Variants in LRRC7 observed in about 807,000 individuals in gnomAD.
LRRC7 encodes leucine-rich repeat-containing protein 7.
A neutral mutation model predicts 175.7 loss-of-function variants in LRRC7; 23 were observed. That is an observed-to-expected ratio of 0.13 (90% CI 0.09 to 0.19). The LOEUF (loss-of-function observed/expected upper bound fraction) is 0.19. Among genes scored for constraint, LRRC7 ranks in the 10% least tolerant of loss-of-function variants. The pLI is 1.00. For synonymous variants in LRRC7, 685 were observed against 680.9 expected (o/e 1.01, Z -0.09); for missense variants, 1,354 against 1,904.7 (o/e 0.71, Z 5.38).
chr1:69,687,384 C>T (rs565716488), intron 2 of LRRC7, among the ~76,000 whole-genome samples: 2 of 151,836 alleles, frequency 1.3e-5, no homozygotes, highest in East Asian at 3.9e-4. Context: ...GTGGCACACG[C>T]CTGTAGTCCC....
At position 69,717,766 on chromosome 1, in the gene LRRC7, GAA is replaced by G. The variant is rs1193274042; in HGVS notation, c.100+39294_100+39295del. Reference sequence around the variant, plus strand: ...AAAAGATATTGGAACATGAAAAAAAGAAAAAAAGAAAGAAAGAAAGAAAGAAA... The same window carrying G: ...AAAAGATATTGGAACATGAAAAAAAGAAAAAGAAAGAAAGAAAGAAAGAAA... On this transcript the variant is annotated intron_variant, in intron 2 of 26. Transcript: ENST00000651989. Among the ~76,000 whole-genome samples, 3 of 53,422 alleles carry G rather than the reference GAA, an allele frequency of 5.6e-5. No homozygotes were observed. The East Asian group carries it at 1.4e-3, about 25-fold the overall frequency. 35.0% of individuals were successfully genotyped at this position (53,422 alleles called of 152,430 possible).
intron 23 of LRRC7, among the ~76,000 whole-genome samples, chr1:70,054,902 T>C (rs1293398242): frequency 1.3e-5 from 2 of 152,070 alleles, no homozygotes; most frequent in African/African-American, 4.8e-5. Flanking sequence ...CACTCTACTT[T>C]CTAAGCTCAT....
intron 1 of LRRC7, among the ~76,000 whole-genome samples, chr1:69,649,853 A>C (rs1404808403): frequency 1.5e-5 from 1 of 64,708 alleles, no homozygotes; most frequent in African/African-American, 6.2e-5. Context: ...AAAGTGATTG[A>C]AAAAAAAAAA....
chr1:69,594,822 C>A (rs993716365), intron 1 of LRRC7, among the ~76,000 whole-genome samples: 2 of 152,106 alleles, frequency 1.3e-5, no homozygotes, highest in East Asian at 3.9e-4. Flanking sequence ...CATCACCTTG[C>A]ATTGAATCCA....
At chr1:69,878,016 AAG>A (rs1686200649) in intron 7 of LRRC7, among the ~76,000 whole-genome samples, 1 of 152,140 alleles carries the variant, frequency 6.6e-6, no homozygotes, top group East Asian at 1.9e-4. Context: ...GGCAGGGAAA[AAG>A]AGTCAGCTGG....
At chr1:70,027,714 C>G (rs919539221) in intron 17 of LRRC7, among the ~76,000 whole-genome samples, 3 of 152,132 alleles carry the variant, frequency 2.0e-5, no homozygotes, top group African/African-American at 7.2e-5. Context: ...TTTTAACATG[C>G]AACTCTACTT....
At chr1:69,778,029 C>A (rs544868757) in intron 3 of LRRC7, among the ~76,000 whole-genome samples, 1 of 152,190 alleles carries the variant, frequency 6.6e-6, no homozygotes, top group Non-Finnish European at 1.5e-5. Flanking sequence ...TTTCTGCAAT[C>A]TCTTCCTTCT....
At chr1:69,918,980 G>C (rs959498021) in intron 7 of LRRC7, among the ~76,000 whole-genome samples, 18 of 152,166 alleles carry the variant, frequency 1.2e-4, no homozygotes, top group Admixed American at 1.1e-3. Flanking sequence ...TGGTTTCCCG[G>C]GCATGAAGTT....
chr1:70,078,792 ACGCGCGCGCGCG>A (rs141606062), intron 24 of LRRC7, among the ~76,000 whole-genome samples: 2,147 of 146,634 alleles, frequency 0.015, 52 homozygotes, highest in African/African-American at 0.052. Flanking sequence ...TTCTACATAT[ACGCGCGCGCGCG>A]CGCGCGCACA....
intron 8 of LRRC7, among the ~76,000 whole-genome samples, chr1:69,947,145 A>AATCAATC (rs1469861547): frequency 6.6e-6 from 1 of 151,100 alleles, no homozygotes; most frequent in African/African-American, 2.5e-5. Context: ...ATAAATAAAT[A>AATCAATC]AATAAATCTA....
intron 14 of LRRC7, among the ~76,000 whole-genome samples, chr1:70,018,011 T>C (rs968145043): frequency 5.9e-5 from 9 of 152,116 alleles, no homozygotes; most frequent in Non-Finnish European, 5.9e-5. Context: ...TGAGACAAAC[T>C]GATATCAAAA....
At position 69,569,392 on chromosome 1, in the gene LRRC7, T is replaced by C. The variant is rs113923299; in HGVS notation, c.2+751T>C. Among the ~76,000 whole-genome samples the C allele has an allele frequency of 5.5e-3, 840 of 152,062 alleles. 4 individuals are homozygous for C. The highest frequency in any genetic ancestry group is 0.019 in the African/African-American group (793 of 41,468). The stretch of plus-strand genomic sequence containing the variant: ...AGCTGGTGAACCTGCCTATTCCCAA[T>C]CCAGCGCTGGGTCCCCTTGAGGATC... On this transcript the variant is annotated intron_variant, in intron 1 of 26. Coordinates refer to ENST00000651989, the MANE Select transcript of LRRC7 (RefSeq NM_001370785.2).
At chr1:69,591,512 T>C (rs554305713) in intron 1 of LRRC7, among the ~76,000 whole-genome samples, 21 of 152,206 alleles carry the variant, frequency 1.4e-4, no homozygotes, top group African/African-American at 4.1e-4. Flanking sequence ...AATCTCCCTA[T>C]AGAAAATTGT....
In LRRC7 at chr1:69,578,087, A is replaced by G. The variant is rs545090470; in HGVS notation, c.2+9446A>G. On this transcript the variant is annotated intron_variant, in intron 1 of 26. Transcript: ENST00000651989. ...CAGAATCTACAATGAACTCAAACAA[A>G]TTCACAAGAAAAAAGCAAACAACCC... is the stretch of plus-strand genomic sequence containing the variant. 1.3e-3 allele frequency among the ~76,000 whole-genome samples: 199 copies of G among 152,334 alleles called. 1 individual carries two copies. Among genetic ancestry groups the G allele is most frequent in the Non-Finnish European group, 3.5e-4 (24 of 68,036 alleles).
Position 69,769,295 on chromosome 1 carries a change from G to A in LRRC7, c.303+8902G>A, listed in dbSNP as rs980143958. Among the ~76,000 whole-genome samples, 16 of 152,278 alleles carry A rather than the reference G, an allele frequency of 1.1e-4. No individual in the cohort carries two copies. In the East Asian group the frequency reaches 2.5e-3, roughly 24 times the overall value. ...TTCTTGCCCATCTCCTACAATTGTG[G>A]TGATGATCAAATAATATAAAGTATG... On this transcript the variant is annotated intron_variant, in intron 3 of 26. Transcript: ENST00000651989.
At chr1:69,918,754 AT>A (rs1243076197) in intron 7 of LRRC7, among the ~76,000 whole-genome samples, 12 of 152,220 alleles carry the variant, frequency 7.9e-5, no homozygotes, top group African/African-American at 2.9e-4. Context: ...TATAGTGATG[AT>A]AATTAAAAAC....
At chr1:69,992,353 C>T (rs1237737650) in intron 10 of LRRC7, among the ~76,000 whole-genome samples, 1 of 151,942 alleles carries the variant, frequency 6.6e-6, no homozygotes, top group East Asian at 1.9e-4. Context: ...TTTTCTATCT[C>T]TTCAGTATTT....
intron 2 of LRRC7, among the ~76,000 whole-genome samples, chr1:69,743,014 T>C (rs17131022): frequency 0.013 from 1,995 of 152,142 alleles, 34 homozygotes; most frequent in African/African-American, 0.045. Flanking sequence ...ATAGAAGATA[T>C]TTTATTAGAA....
intron 24 of LRRC7, among the ~76,000 whole-genome samples, chr1:70,085,876 T>C (rs1163691868): frequency 6.6e-6 from 1 of 152,186 alleles, no homozygotes; most frequent in Non-Finnish European, 1.5e-5. Flanking sequence ...ATCTGCCTGG[T>C]ACTTAGTAGG....
Sources: allele counts gnomAD v4.1 joint callset (sites outside exome capture counted in the v4.1 genomes callset), GRCh38; gene constraint gnomAD v4.1.1; transcripts MANE v1.5; gene names NCBI Gene and HGNC (gene_info 2026-07-23, HGNC 2026-07-21).